The following ACVR2B variants were observed in gnomAD, a reference collection of about 807,000 sequenced individuals.
ACVR2B encodes the protein activin A receptor type 2B.
A neutral mutation model predicts 65.1 loss-of-function variants in ACVR2B; 18 were observed. That is an observed-to-expected ratio of 0.28 (90% confidence interval 0.19 to 0.41). The LOEUF (loss-of-function observed/expected upper bound fraction) is 0.41. Among genes scored for constraint, ACVR2B ranks in the 10% least tolerant of loss-of-function variants. The probability of loss-of-function intolerance (pLI) is 1.00; values close to 1 mark genes in which losing one functional copy is unlikely to be tolerated. For missense variants in ACVR2B, 482 were observed against 682.7 expected (o/e 0.71, Z 3.28); for synonymous variants, 298 against 277.7 (o/e 1.07, Z -0.73).
chr3:38,455,199 A>C (rs1709526335), intron 1 of ACVR2B, among the ~76,000 whole-genome samples: 1 of 151,552 alleles, frequency 6.6e-6, no homozygotes, highest in South Asian at 2.1e-4. Flanking sequence ...CCGCCTGGAA[A>C]GCTTGTTTCT....
At chr3:38,469,401 C>G (rs900858710) in intron 1 of ACVR2B, among the ~76,000 whole-genome samples, 1 of 152,062 alleles carries the variant, frequency 6.6e-6, no homozygotes, top group South Asian at 2.1e-4. Flanking sequence ...AGACTGAGGC[C>G]TTTGCATGGC....
At chr3:38,471,715 C>A (rs1709821316) in intron 1 of ACVR2B, among the ~76,000 whole-genome samples, 1 of 152,112 alleles carries the variant, frequency 6.6e-6, no homozygotes, top group Non-Finnish European at 1.5e-5. Flanking sequence ...GGGTTTGAAG[C>A]CTGATTTTGA....
At chr3:38,478,639 C>T in intron 5 of ACVR2B, 121 bp downstream of exon 5, 14 of 1,366,114 alleles carry the variant, frequency 1.0e-5, no homozygotes, top group Admixed American at 3.9e-5. Flanking sequence ...AAAAGTGAGC[C>T]TTACTGGGCC....
chr3:38,469,626 G>A (rs895643225), intron 1 of ACVR2B, among the ~76,000 whole-genome samples: 1 of 152,188 alleles, frequency 6.6e-6, no homozygotes, highest in Admixed American at 6.5e-5. Context: ...AGAAATTAAA[G>A]TGGTTCCAAA....
chr3:38,481,223 C>T lies in ACVR2B; in HGVS notation c.960-128C>T. 2.5e-6 allele frequency: 2 copies of T among 803,060 alleles called. No homozygotes were observed. The highest frequency in any genetic ancestry group is 1.3e-5 in the South Asian group (1 of 74,278). The allele number at this position is 803,060 out of a possible 1,614,324, so 49.7% of individuals were successfully genotyped here. A position where few individuals can be genotyped will look rare whatever the true frequency, so the allele number is the denominator to read the frequency against. On this transcript the variant is annotated intron_variant, in intron 7 of 10. Coordinates refer to ENST00000352511, the MANE Select transcript of ACVR2B (RefSeq NM_001106.4). This position sits in a 1 kb window ranked among gnomAD's most constrained non-coding sequence, Gnocchi z 4.7. ...GCCTGCTTGTGCTGCTTCACCTCTG[C>T]ACCCCAGGTAGGGTGGGATGGCCTG...
At position 38,477,799 on chromosome 3, in the gene ACVR2B, C is replaced by G. The variant is rs767036016; in HGVS notation, c.261-62C>G. On this transcript the variant is annotated intron_variant, in intron 2 of 10. Transcript: ENST00000352511. The surrounding 1 kb of genome is among the most constrained non-coding windows in gnomAD (Gnocchi z 6.7). ...TGTCTGTGAGGAGGGGTTGGCAGGGCAGGCCTGGGGGAGTCTTGCATCCCC... is the reference window on the plus strand; with the variant it reads ...TGTCTGTGAGGAGGGGTTGGCAGGGGAGGCCTGGGGGAGTCTTGCATCCCC... 5.2e-6 allele frequency: 8 copies of G among 1,542,130 alleles called. No individual in the cohort carries two copies. Among genetic ancestry groups the G allele is most frequent in the Non-Finnish European group, 7.2e-6 (8 of 1,114,382 alleles).
intron 1 of ACVR2B, chr3:38,476,565 T>C (rs78267040): frequency 0.032 from 4,857 of 154,180 alleles, 253 homozygotes; most frequent in African/African-American, 0.11. Flanking sequence ...ACAGGGTCCT[T>C]TCCATTCCGT....
chr3:38,459,763 G>A, intron 1 of ACVR2B: 2 of 778,606 alleles, frequency 2.6e-6, no homozygotes, highest in South Asian at 1.2e-4. Context: ...GCTTCCTGCT[G>A]TGGACCTGGG....
intron 1 of ACVR2B, among the ~76,000 whole-genome samples, chr3:38,466,405 A>G (rs914677255): frequency 6.6e-6 from 1 of 152,246 alleles, no homozygotes; most frequent in African/African-American, 2.4e-5. Flanking sequence ...GGATTTGTTA[A>G]TTACCCTGAT....
In ACVR2B at chr3:38,489,135, G is replaced by A. The variant is rs1710170606; in HGVS notation, c.*5803G>A. On this transcript the variant is annotated 3_prime_UTR_variant, in exon 11 of 11. Coordinates refer to ENST00000352511, the MANE Select transcript of ACVR2B (RefSeq NM_001106.4). ...CTGGGAACTTCTCTGTTGGTTGAGT[G>A]TGGGCTCATTCCCTGACTCTCCTAA... is the stretch of plus-strand genomic sequence containing the variant. 1 of 152,580 alleles carries A rather than the reference G, an allele frequency of 6.6e-6. No homozygotes were observed. Among genetic ancestry groups the A allele is most frequent in the African/African-American group, 2.4e-5 (1 of 41,430 alleles). The allele number at this position is 152,580 out of a possible 1,614,324, so 9.5% of individuals were successfully genotyped here.
At chr3:38,468,771 A>C (rs918623746) in intron 1 of ACVR2B, among the ~76,000 whole-genome samples, 4 of 152,280 alleles carry the variant, frequency 2.6e-5, no homozygotes, top group Non-Finnish European at 5.9e-5. Flanking sequence ...CCAGCCTTGA[A>C]ATGTCATTTC....
chr3:38,479,862 C>T, intron 7 of ACVR2B, 36 bp downstream of exon 7: 1 of 1,610,002 alleles, frequency 6.2e-7, no homozygotes, highest in Non-Finnish European at 8.5e-7. Context: ...CTGCACTTGA[C>T]CTGGAGCTGT....
chr3:38,456,326 A>T (rs1709550223), intron 1 of ACVR2B, among the ~76,000 whole-genome samples: 1 of 152,154 alleles, frequency 6.6e-6, no homozygotes, highest in South Asian at 2.1e-4. Flanking sequence ...GGCTTCAGGG[A>T]TGCCCTTTAA....
chr3:38,483,028 G>T lies in ACVR2B; in HGVS notation c.1345-110G>T. ...TGGACCTGCTGCTGTGGTTGGGGCT[G>T]GTGGGCTCTGCCTGATCCTTGGGAA... On this transcript the variant is annotated intron_variant, in intron 10 of 10. Coordinates refer to ENST00000352511, the MANE Select transcript of ACVR2B (RefSeq NM_001106.4). This position sits in a 1 kb window ranked among gnomAD's most constrained non-coding sequence, Gnocchi z 4.8. The T allele has an allele frequency of 7.9e-6, 10 of 1,272,974 alleles. No individual in the cohort carries two copies. The highest frequency in any genetic ancestry group is 1.1e-6 in the Non-Finnish European group (1 of 874,368). 78.9% of individuals were successfully genotyped at this position (1,272,974 alleles called of 1,614,324 possible).
chr3:38,478,873 C>G (rs1245693992), intron 5 of ACVR2B, among the ~76,000 whole-genome samples: 1 of 152,068 alleles, frequency 6.6e-6, no homozygotes, highest in Non-Finnish European at 1.5e-5. Flanking sequence ...CCTTAGTGGC[C>G]CCATTTGTAA....
rs1709495669 is a variant in ACVR2B at position 38,453,994 on chromosome 3, C to A, written c.-329C>A. 2 of 145,322 alleles carry A rather than the reference C, an allele frequency of 1.4e-5. No homozygotes were observed. Among genetic ancestry groups the A allele is most frequent in the South Asian group, 4.1e-4 (2 of 4,824 alleles). The allele number at this position is 145,322 out of a possible 1,614,324, so 9.0% of individuals were successfully genotyped here. A position where few individuals can be genotyped will look rare whatever the true frequency, so the allele number is the denominator to read the frequency against. On this transcript the variant is annotated 5_prime_UTR_variant, in exon 1 of 11. Coordinates refer to ENST00000352511, the MANE Select transcript of ACVR2B (RefSeq NM_001106.4). ...ATGGCCCCTCCGGACTCGGCCCCTG[C>A]GCCCGGGGCCCGGGCCCAGCCCCGC...
At chr3:38,479,482 A>G (rs1019313665) in intron 6 of ACVR2B, among the ~76,000 whole-genome samples, 196 bp from the exon 7 acceptor site, 3 of 152,090 alleles carry the variant, frequency 2.0e-5, no homozygotes, top group Middle Eastern at 3.2e-3. Flanking sequence ...AGTTTTTATG[A>G]TAAGAGTAGT....
intron 1 of ACVR2B, among the ~76,000 whole-genome samples, chr3:38,468,831 A>G (rs1174971754): frequency 2.0e-5 from 3 of 152,186 alleles, no homozygotes. Flanking sequence ...GCATTAAACT[A>G]CTTTATTGCA....
chr3:38,473,790 T>C (rs1709860208), intron 1 of ACVR2B: 1 of 152,268 alleles, frequency 6.6e-6, no homozygotes, highest in South Asian at 2.1e-4. Flanking sequence ...CTACCCTAGC[T>C]GTGAAGTATT....
Sources: allele counts gnomAD v4.1 joint callset (sites outside exome capture counted in the v4.1 genomes callset), GRCh38; gene constraint gnomAD v4.1.1; non-coding constraint Gnocchi (gnomAD v3.1); transcripts MANE v1.5; gene names NCBI Gene and HGNC (gene_info 2026-07-23, HGNC 2026-07-21).